SPTBN4: variants seen among roughly 807,000 people sequenced by gnomAD.
The protein encoded by SPTBN4 is spectrin beta chain, non-erythrocytic 4.
In SPTBN4, 96 loss-of-function variants were observed where a neutral mutation model predicts 277.8. The observed-to-expected ratio is 0.35, with a 90% confidence interval of 0.29 to 0.41. The LOEUF is 0.41. Ranked by LOEUF, SPTBN4 falls within the 10% of genes least tolerant of loss-of-function variation. The pLI, the probability that SPTBN4 is intolerant of heterozygous loss-of-function variation, is 1.00. For missense variants in SPTBN4, 3,006 were observed against 3,595.7 expected, an observed-to-expected ratio of 0.84 and a Z score of 4.19; for synonymous variants, 1,481 against 1,580.3, an observed-to-expected ratio of 0.94 and a Z score of 1.49.
intron 17 of SPTBN4, among the ~76,000 whole-genome samples, chr19:40,525,975 G>A (rs1249290916): frequency 1.3e-5 from 2 of 152,020 alleles, no homozygotes; most frequent in Non-Finnish European, 2.9e-5. Context: ...CCCTGTGGGA[G>A]GAGTGGGAGG....
rs1275663860 is a variant in SPTBN4 at position 40,490,288 on chromosome 19, G to A, written c.495+40G>A. The A allele has an allele frequency of 9.5e-6, 15 of 1,586,752 alleles. No homozygotes were observed. In the African/African-American group the frequency reaches 1.9e-4, roughly 20 times the overall value. On this transcript the variant is annotated intron_variant, in intron 4 of 35. Transcript: ENST00000598249. The surrounding 1 kb of genome is among the most constrained non-coding windows in gnomAD (Gnocchi z 4.3). Reference sequence around the variant, plus strand: ...GCCCCTGCCAAGCCCCGCAACATGGGACTTAGGAAAGCGTTCCCCACCATT... The same window carrying A: ...GCCCCTGCCAAGCCCCGCAACATGGAACTTAGGAAAGCGTTCCCCACCATT...
intron 20 of SPTBN4, among the ~76,000 whole-genome samples, chr19:40,543,035 A>T (rs1320143067): frequency 6.6e-6 from 1 of 152,022 alleles, no homozygotes; most frequent in Non-Finnish European, 1.5e-5. Context: ...TGTTGGCCTC[A>T]TGGTCAGGGA....
chr19:40,478,055 G>T (rs1442478587), intron 2 of SPTBN4, among the ~76,000 whole-genome samples: 1 of 152,032 alleles, frequency 6.6e-6, no homozygotes, highest in Admixed American at 6.6e-5. Context: ...GGCCAGGCTG[G>T]TCTCGAACTC....
At chr19:40,512,520 G>A (rs932379780) in intron 13 of SPTBN4, 86 bp from the exon 14 acceptor site, 1 of 1,410,066 alleles carries the variant, frequency 7.1e-7, no homozygotes, top group Non-Finnish European at 9.2e-7. Context: ...GTCACACCAA[G>A]GACAGGGTAG....
chr19:40,560,863 T>A lies in SPTBN4; in HGVS notation c.5915+460T>A. ...GTGATTGGGAGCCAGGGTCCTTCCA[T>A]CATGCCACCCTGGGAGTCACATGCT... On this transcript the variant is annotated intron_variant, in intron 27 of 35. Coordinates refer to ENST00000598249, the MANE Select transcript of SPTBN4 (RefSeq NM_020971.3). The surrounding 1 kb of genome is among the most constrained non-coding windows in gnomAD (Gnocchi z 5.2). 2.1e-6 allele frequency: 1 copy of A among 482,156 alleles called. No individual in the cohort carries two copies. The highest frequency in any genetic ancestry group is 2.8e-6 in the Non-Finnish European group (1 of 351,212). The allele number at this position is 482,156 out of a possible 1,614,324, so 29.9% of individuals were successfully genotyped here.
rs2080211094 is a variant in SPTBN4, at chr19:40,497,335, A to G, written c.669-154A>G. On this transcript the variant is annotated intron_variant, in intron 6 of 35. Coordinates refer to ENST00000598249, the MANE Select transcript of SPTBN4 (RefSeq NM_020971.3). Reference sequence around the variant, plus strand: ...CGTCCATCACACTCACATCACAGCTAAATGCTGCACAGCACACACAGCTTG... The same window carrying G: ...CGTCCATCACACTCACATCACAGCTGAATGCTGCACAGCACACACAGCTTG... The G allele has an allele frequency of 8.1e-6, 5 of 619,980 alleles. No homozygotes were observed. The South Asian group carries it at 9.3e-5, about 11-fold the overall frequency. 38.4% of individuals were successfully genotyped at this position (619,980 alleles called of 1,614,324 possible).
rs1003433388 is a variant in SPTBN4 at position 40,513,259 on chromosome 19, G to A, written c.2470G>A (p.Ala824Thr). 1 of 1,526,734 alleles carries A rather than the reference G, an allele frequency of 6.5e-7. No homozygotes were observed. Among genetic ancestry groups the A allele is most frequent in the Non-Finnish European group, 8.8e-7 (1 of 1,142,588 alleles). The allele number at this position is 1,526,734 out of a possible 1,614,324, so 94.6% of individuals were successfully genotyped here. ...CCGCGCGCTCACCGGGGAGGTGGAG[G>A]CACATCGCGGGCCCGTGAGCGGCCT... Reference protein sequence around the residue: ...QHRALTGEVEAHRGPVSGLRR... With the variant: ...QHRALTGEVETHRGPVSGLRR... Residue 824 changes from alanine to threonine, a missense_variant, in exon 14 of 36, where the codon GCA becomes ACA. By Grantham distance (58) the Ala-to-Thr change is moderately conservative (BLOSUM62 0). Transcript: ENST00000598249.
chr19:40,505,880 A>C (rs2080323825), intron 12 of SPTBN4, among the ~76,000 whole-genome samples: 1 of 152,158 alleles, frequency 6.6e-6, no homozygotes, highest in Non-Finnish European at 1.5e-5. Context: ...TAAGAAAGAC[A>C]TGGAGGCAGA....
chr19:40,567,728 T>A lies in SPTBN4; in HGVS notation c.6402T>A (p.Phe2134Leu). The change falls in exon 31 of 36, where the codon TTT (phenylalanine) becomes TTA (leucine). Residue 2134 changes from phenylalanine to leucine, a missense_variant. Phe to Leu is a conservative substitution (Grantham distance 22, BLOSUM62 0). Coordinates refer to ENST00000598249, the MANE Select transcript of SPTBN4 (RefSeq NM_020971.3). ...CCCCACTGCTGGGGCGCAAGTTCTT[T>A]GGGGACCCCACGGAACTGGCGGCCA... Reference protein sequence around the residue: ...PPTPLLGRKFFGDPTELAAKA... With the variant: ...PPTPLLGRKFLGDPTELAAKA... 2.6e-6 allele frequency: 4 copies of A among 1,558,882 alleles called. No individual in the cohort carries two copies. Among genetic ancestry groups the A allele is most frequent in the Non-Finnish European group, 3.5e-6 (4 of 1,154,104 alleles).
intron 2 of SPTBN4, among the ~76,000 whole-genome samples, chr19:40,482,444 A>G (rs2080023059): frequency 6.6e-6 from 1 of 152,174 alleles, no homozygotes; most frequent in Admixed American, 6.6e-5. Context: ...CACCAAGACC[A>G]GACGGGCTGC....
chr19:40,535,997 C>A (rs930985933), intron 20 of SPTBN4, among the ~76,000 whole-genome samples: 1 of 152,032 alleles, frequency 6.6e-6, no homozygotes, highest in Non-Finnish European at 1.5e-5. Context: ...TAGGTACCTA[C>A]TATGTGCCCG....
intron 5 of SPTBN4, among the ~76,000 whole-genome samples, chr19:40,494,141 AG>A (rs2080168625): frequency 6.6e-6 from 1 of 152,128 alleles, no homozygotes; most frequent in Non-Finnish European, 1.5e-5. Context: ...AGCTCCTGGG[AG>A]GACGGAGGGA....
At chr19:40,485,758 A>C (rs1030541311) in intron 2 of SPTBN4, among the ~76,000 whole-genome samples, 8 of 152,064 alleles carry the variant, frequency 5.3e-5, no homozygotes, top group Admixed American at 2.6e-4. Flanking sequence ...GTGAGCCATG[A>C]TTGTGGCACT....
Position 40,512,951 on chromosome 19 carries a change from G to A in SPTBN4, c.2162G>A (p.Cys721Tyr). 1 of 1,418,002 alleles carries A rather than the reference G, an allele frequency of 7.1e-7. No homozygotes were observed. The highest frequency in any genetic ancestry group is 9.1e-7 in the Non-Finnish European group (1 of 1,096,580). 87.8% of individuals were successfully genotyped at this position (1,418,002 alleles called of 1,614,324 possible). ...RRALLQQALR[C>Y]GEELVAAGGA... ...GCGTTGCTGCAGCAGGCCCTGCGGT[G>A]TGGCGAGGAGCTGGTTGCGGCCGGC... is the stretch of plus-strand genomic sequence containing the variant. The change falls in exon 14 of 36, where the codon TGT becomes TAT. Residue 721 changes from cysteine to tyrosine, a missense_variant. Around this residue, in one of 5 missense-constraint regions of SPTBN4, gnomAD observed 1,759 missense variants for 2,061.5 expected, o/e 0.85. Transcript: ENST00000598249.
Position 40,532,714 on chromosome 19 carries a change from C to G in SPTBN4, c.4038C>G (p.His1346Gln), listed in dbSNP as rs2080691479. Reference protein sequence around the residue: ...NHKLHKRWLRHQAFMAELAQN... With the variant: ...NHKLHKRWLRQQAFMAELAQN... The stretch of plus-strand genomic sequence containing the variant: ...AGCTGCATAAGAGATGGCTCCGGCA[C>G]CAGGCATTCATGGCCGAGCTGGCTC... The change falls in exon 19 of 36, where the codon CAC becomes CAG. Residue 1346 changes from histidine (H) to glutamine (Q), a missense_variant. His to Gln is a conservative substitution (Grantham distance 24). This residue lies in a region of SPTBN4 where 1,759 missense variants were observed against 2,061.5 expected (regional missense o/e 0.85). Transcript: ENST00000598249. 1.9e-6 allele frequency: 3 copies of G among 1,613,304 alleles called. No individual in the cohort carries two copies. Among genetic ancestry groups the G allele is most frequent in the Non-Finnish European group, 1.7e-6 (2 of 1,179,594 alleles).
intron 33 of SPTBN4, 103 bp downstream of exon 33, chr19:40,570,831 T>G: frequency 8.0e-7 from 1 of 1,244,238 alleles, no homozygotes; most frequent in Non-Finnish European, 1.1e-6. Context: ...CTTCAGGCCC[T>G]CCAGCAGGTG....
At chr19:40,568,401 G>A in intron 31 of SPTBN4, 119 bp downstream of exon 31, 1 of 1,360,742 alleles carries the variant, frequency 7.3e-7, no homozygotes. Context: ...AGGAGATATC[G>A]CCGCGGTACC....
At chr19:40,480,148 G>A (rs1039254454) in intron 2 of SPTBN4, among the ~76,000 whole-genome samples, 1 of 151,930 alleles carries the variant, frequency 6.6e-6, no homozygotes, top group Admixed American at 6.6e-5. Context: ...CTGCACGTGA[G>A]GCTGAGGCAG....
intron 11 of SPTBN4, 72 bp from the exon 12 acceptor site, chr19:40,503,758 G>A (rs1284437662): frequency 6.8e-7 from 1 of 1,480,476 alleles, no homozygotes; most frequent in Admixed American, 2.2e-5. Flanking sequence ...GGAGTCCCCA[G>A]GGTCACACAG....
Sources: allele counts gnomAD v4.1 joint callset (sites outside exome capture counted in the v4.1 genomes callset), GRCh38; gene constraint gnomAD v4.1.1; regional missense constraint gnomAD v4.1.1; non-coding constraint Gnocchi (gnomAD v3.1); transcripts MANE v1.5; gene names NCBI Gene and HGNC (gene_info 2026-07-23, HGNC 2026-07-21).